The following ADK variants were observed in gnomAD, a reference collection of about 807,000 sequenced individuals.
ADK encodes the protein adenosine kinase.
A neutral mutation model predicts 44.7 loss-of-function variants in ADK; 24 were observed. The observed-to-expected ratio is 0.54, with a 90% CI of 0.39 to 0.76. The LOEUF is 0.76. Among genes scored for constraint, ADK ranks in the 30% least tolerant of loss-of-function variants. The probability of loss-of-function intolerance (pLI) is 0.00; values close to 1 mark genes in which losing one functional copy is unlikely to be tolerated. For synonymous variants in ADK, 128 were observed against 142.6 expected, an observed-to-expected ratio of 0.90 and a Z score of 0.73; for missense variants, 321 against 425.1, an observed-to-expected ratio of 0.76 and a Z score of 2.15.
Position 74,670,198 on chromosome 10 carries a change from C to T in ADK, c.893C>T (p.Ala298Val). The T allele has an allele frequency of 6.2e-7, 1 of 1,613,828 alleles. No homozygotes were observed. Among genetic ancestry groups the T allele is most frequent in the Non-Finnish European group, 8.5e-7 (1 of 1,179,840 alleles). Residue 298 changes from alanine to valine, a missense_variant, in exon 10 of 11, where the codon GCT becomes GTT. By Grantham distance (64) the Ala-to-Val change is moderately conservative (BLOSUM62 0). Coordinates refer to ENST00000539909, the MANE Select transcript of ADK (RefSeq NM_006721.4). The part of the protein sequence containing the change: ...TIMATESEVT[A>V]FAVLDQDQKE... ...CTAATTGCAGAAAGTGAAGTCACTG[C>T]TTTTGCTGTCTTGGATCAAGACCAG...
chr10:74,254,754 C>T (rs568190945), intron 3 of ADK, among the ~76,000 whole-genome samples: 1 of 152,094 alleles, frequency 6.6e-6, no homozygotes, highest in Admixed American at 6.5e-5. Context: ...GTGTGTTTTT[C>T]CTTTTGTACC....
intron 4 of ADK, among the ~76,000 whole-genome samples, chr10:74,336,814 A>G (rs1024250771): frequency 1.3e-5 from 2 of 152,126 alleles, no homozygotes; most frequent in African/African-American, 4.8e-5. Context: ...TATAATACCT[A>G]ATACACTATA....
At chr10:74,703,859 A>T (rs954578074) in intron 10 of ADK, among the ~76,000 whole-genome samples, 1 of 152,184 alleles carries the variant, frequency 6.6e-6, no homozygotes, top group Non-Finnish European at 1.5e-5. Context: ...GGGAAATAAA[A>T]TTGTATGCAG....
At chr10:74,355,189 A>G (rs950388913) in intron 4 of ADK, among the ~76,000 whole-genome samples, 1 of 152,212 alleles carries the variant, frequency 6.6e-6, no homozygotes, top group East Asian at 1.9e-4. Context: ...ATGGCAAGGT[A>G]GGTATCATGA....
chr10:74,281,696 AAAAT>A (rs1481125704), intron 3 of ADK, among the ~76,000 whole-genome samples: 1 of 152,218 alleles, frequency 6.6e-6, no homozygotes, highest in African/African-American at 2.4e-5. Context: ...GCTAAGAAAA[AAAAT>A]CTGAGTAAAT....
At chr10:74,345,890 G>A (rs758518082) in intron 4 of ADK, among the ~76,000 whole-genome samples, 2 of 150,264 alleles carry the variant, frequency 1.3e-5, no homozygotes, top group Non-Finnish European at 3.0e-5. Context: ...CTGGGTTTTT[G>A]TTGTTGTTGT....
At chr10:74,497,165 G>A (rs1314402913) in intron 6 of ADK, among the ~76,000 whole-genome samples, 1 of 152,020 alleles carries the variant, frequency 6.6e-6, no homozygotes, top group Admixed American at 6.6e-5. Flanking sequence ...TTTCTGCTTT[G>A]TCCCAAAAAA....
intron 6 of ADK, among the ~76,000 whole-genome samples, chr10:74,420,237 C>T (rs903112724): frequency 2.6e-5 from 4 of 152,030 alleles, no homozygotes; most frequent in African/African-American, 9.7e-5. Flanking sequence ...TGGAAACTTT[C>T]GTACTCTGGT....
intron 7 of ADK, chr10:74,528,206 C>T (rs1337376259): frequency 2.0e-6 from 1 of 510,892 alleles, no homozygotes. Flanking sequence ...TACATATCTG[C>T]AAAAATGGAT....
intron 6 of ADK, among the ~76,000 whole-genome samples, chr10:74,501,901 G>A (rs1847898010): frequency 6.6e-6 from 1 of 151,932 alleles, no homozygotes; most frequent in South Asian, 2.1e-4. Context: ...TTCTTCTTGG[G>A]GTGCTAAAAA....
At chr10:74,179,227 T>C (rs945901305) in intron 1 of ADK, among the ~76,000 whole-genome samples, 1 of 152,228 alleles carries the variant, frequency 6.6e-6, no homozygotes, top group Non-Finnish European at 1.5e-5. Flanking sequence ...CATTTCCTGG[T>C]GAACACTACA....
intron 2 of ADK, among the ~76,000 whole-genome samples, chr10:74,209,562 T>C (rs972780284): frequency 6.6e-6 from 1 of 152,120 alleles, no homozygotes; most frequent in Non-Finnish European, 1.5e-5. Context: ...TCTTACACTG[T>C]GAAAGTGAGT....
intron 6 of ADK, among the ~76,000 whole-genome samples, chr10:74,468,574 T>C (rs1482419440): frequency 1.3e-5 from 2 of 152,208 alleles, no homozygotes; most frequent in Non-Finnish European, 2.9e-5. Context: ...GGGCCTCAGA[T>C]ATTATTAGGC....
chr10:74,160,650 C>T (rs996267662), intron 1 of ADK, among the ~76,000 whole-genome samples: 3 of 151,170 alleles, frequency 2.0e-5, no homozygotes, highest in Admixed American at 6.6e-5. Context: ...CTGTTGTGTG[C>T]GTGCATGCAG....
At chr10:74,642,093 G>T (rs1464500423) in intron 9 of ADK, among the ~76,000 whole-genome samples, 2 of 152,110 alleles carry the variant, frequency 1.3e-5, no homozygotes, top group South Asian at 2.1e-4. Context: ...TGAAGCAAAT[G>T]TTAAGAATCC....
At chr10:74,654,211 T>G (rs148070636) in intron 9 of ADK, among the ~76,000 whole-genome samples, 2 of 152,214 alleles carry the variant, frequency 1.3e-5, no homozygotes, top group East Asian at 3.8e-4. Flanking sequence ...AGGAGAGATA[T>G]GATTTTAAGA....
At chr10:74,326,422 T>C (rs2131835228) in intron 4 of ADK, among the ~76,000 whole-genome samples, 1 of 128,886 alleles carries the variant, frequency 7.8e-6, no homozygotes, top group East Asian at 2.1e-4. Flanking sequence ...TAGTGAGACC[T>C]TGTTTCTACA....
intron 6 of ADK, among the ~76,000 whole-genome samples, chr10:74,484,481 A>G (rs1405826081): frequency 2.0e-5 from 3 of 152,212 alleles, no homozygotes; most frequent in Non-Finnish European, 2.9e-5. Context: ...GCTTTCCAAT[A>G]TACTCTGCTT....
intron 2 of ADK, among the ~76,000 whole-genome samples, chr10:74,220,881 G>C (rs1358022176): frequency 6.6e-5 from 10 of 151,736 alleles, no homozygotes; most frequent in Admixed American, 2.0e-4. Flanking sequence ...AAAATAATAA[G>C]AGCTATCTAT....
Sources: gnomAD v4.1 joint callset for allele counts (sites outside exome capture counted in the v4.1 genomes callset) on GRCh38, gnomAD v4.1.1 for gene constraint, MANE v1.5 for transcripts, NCBI Gene and HGNC (gene_info 2026-07-23, HGNC 2026-07-21) for gene names.